UTRN: variants seen among roughly 807,000 people sequenced by gnomAD.
The protein encoded by UTRN is dystrophin-related protein 1.
In UTRN, 283 loss-of-function variants were observed where a neutral mutation model predicts 463.9. The ratio of observed to expected loss-of-function variants is 0.61; its 90% CI spans 0.55 to 0.67. UTRN has a LOEUF of 0.67. Ranked by LOEUF, UTRN falls within the 30% of genes least tolerant of loss-of-function variation. UTRN has a pLI of 0.00. For synonymous variants in UTRN, 1,442 were observed against 1,431.5 expected (o/e 1.01, Z -0.17); for missense variants, 3,922 against 4,084.3 (o/e 0.96, Z 1.08).
At chr6:144,355,443 C>G (rs1158697757) in intron 2 of UTRN, among the ~76,000 whole-genome samples, 3 of 152,170 alleles carry the variant, frequency 2.0e-5, no homozygotes, top group Non-Finnish European at 2.9e-5. Context: ...AAGTGATATA[C>G]CTGCCTCTGC....
rs192889634 is a variant in UTRN, at chr6:144,618,736, T to C, written c.7479+41448T>C. 3.6e-3 allele frequency among the ~76,000 whole-genome samples: 552 copies of C among 152,268 alleles called. 1 individual carries two copies. Among genetic ancestry groups the C allele is most frequent in the Non-Finnish European group, 5.9e-3 (398 of 67,972 alleles). On this transcript the variant is annotated intron_variant, in intron 51 of 74. Transcript: ENST00000367545. ...TCCCAGTTCTTTTACTCTGTTATTATTGTTTAAAGTTTGGAAATTAAAATA... is the reference window on the plus strand; with the variant it reads ...TCCCAGTTCTTTTACTCTGTTATTACTGTTTAAAGTTTGGAAATTAAAATA...
At chr6:144,797,416 A>G (rs1777327410) in intron 63 of UTRN, among the ~76,000 whole-genome samples, 1 of 152,100 alleles carries the variant, frequency 6.6e-6, no homozygotes, top group Non-Finnish European at 1.5e-5. Context: ...GCTGGTCTCA[A>G]ACTCCTGAGC....
chr6:144,290,652 C>T (rs1804140572), intron 1 of UTRN, among the ~76,000 whole-genome samples: 1 of 152,016 alleles, frequency 6.6e-6, no homozygotes, highest in Admixed American at 6.6e-5. Context: ...CATTCATATA[C>T]CCATGAGCTA....
intron 50 of UTRN, among the ~76,000 whole-genome samples, chr6:144,572,596 G>T (rs951511799): frequency 6.6e-6 from 1 of 151,758 alleles, no homozygotes; most frequent in African/African-American, 2.4e-5. Context: ...CCCTCCCTGT[G>T]TCCATGTGTT....
At chr6:144,322,340 G>A (rs1194973874) in intron 2 of UTRN, among the ~76,000 whole-genome samples, 1 of 152,142 alleles carries the variant, frequency 6.6e-6, no homozygotes, top group Non-Finnish European at 1.5e-5. Flanking sequence ...GTCCTGCACT[G>A]GTGAGCACCT....
At chr6:144,517,223 A>T (rs1795697941) in intron 39 of UTRN, among the ~76,000 whole-genome samples, 1 of 152,100 alleles carries the variant, frequency 6.6e-6, no homozygotes, top group African/African-American at 2.4e-5. Context: ...GCTTCCTCCA[A>T]TTCCATATTT....
At chr6:144,800,522 G>A (rs1412550275) in intron 64 of UTRN, among the ~76,000 whole-genome samples, 1 of 152,206 alleles carries the variant, frequency 6.6e-6, no homozygotes, top group Non-Finnish European at 1.5e-5. Context: ...AGTGTATTGA[G>A]AAGTAGCTCT....
At chr6:144,827,274 C>A in intron 66 of UTRN, 74 bp from the exon 67 acceptor site, 1 of 1,561,222 alleles carries the variant, frequency 6.4e-7, no homozygotes, top group Non-Finnish European at 8.8e-7. Flanking sequence ...CTCCCCACAC[C>A]CCCACTGCTT....
intron 64 of UTRN, among the ~76,000 whole-genome samples, chr6:144,800,321 A>G (rs557542927): frequency 6.6e-6 from 1 of 152,330 alleles, no homozygotes; most frequent in East Asian, 1.9e-4. Context: ...CTACTTTTGA[A>G]TTAACTTGAA....
At chr6:144,348,802 C>T (rs372752304) in intron 2 of UTRN, among the ~76,000 whole-genome samples, 2 of 151,994 alleles carry the variant, frequency 1.3e-5, no homozygotes, top group Admixed American at 6.5e-5. Flanking sequence ...GGCCTAGTGG[C>T]GCATGCCTGT....
At chr6:144,718,476 T>C (rs951846798) in intron 53 of UTRN, among the ~76,000 whole-genome samples, 1 of 152,126 alleles carries the variant, frequency 6.6e-6, no homozygotes, top group African/African-American at 2.4e-5. Context: ...AAAAAGTAAT[T>C]TTTTATTCTA....
chr6:144,835,137 C>T (rs537653743), intron 69 of UTRN, among the ~76,000 whole-genome samples: 2 of 152,348 alleles, frequency 1.3e-5, no homozygotes, highest in South Asian at 4.1e-4. Context: ...CACGTTACTG[C>T]TATGTCTAGT....
At chr6:144,568,699 A>T (rs1800657403) in intron 50 of UTRN, among the ~76,000 whole-genome samples, 3 of 152,124 alleles carry the variant, frequency 2.0e-5, no homozygotes, top group Non-Finnish European at 4.4e-5. Flanking sequence ...GAAACTAGGG[A>T]TGGAGGTGAG....
chr6:144,344,090 C>CAAAAAAAAAAAAAAA, intron 2 of UTRN: 1 of 848,828 alleles, frequency 1.2e-6, no homozygotes, highest in Non-Finnish European at 1.4e-6. Context: ...TAAAAGCCAC[C>CAAAAAAAAAAAAAAA]AAAAAAAAAA....
At chr6:144,536,537 A>G (rs1356765688) in intron 43 of UTRN, among the ~76,000 whole-genome samples, 1 of 152,088 alleles carries the variant, frequency 6.6e-6, no homozygotes, top group Non-Finnish European at 1.5e-5. Context: ...TAAACATTAT[A>G]CATCAAATAT....
At chr6:144,290,176 C>T (rs971140839) in intron 1 of UTRN, among the ~76,000 whole-genome samples, 1 of 152,130 alleles carries the variant, frequency 6.6e-6, no homozygotes, top group Non-Finnish European at 1.5e-5. Context: ...GCAACAATAC[C>T]ATAATTAATG....
intron 46 of UTRN, 96 bp downstream of exon 46, chr6:144,542,966 C>A: frequency 2.0e-6 from 2 of 1,004,684 alleles, no homozygotes; most frequent in Non-Finnish European, 2.9e-6. Flanking sequence ...GACTTAGAAA[C>A]GTCGTGCCAT....
chr6:144,340,826 C>T (rs1214688219), intron 2 of UTRN, among the ~76,000 whole-genome samples: 1 of 152,202 alleles, frequency 6.6e-6, no homozygotes, highest in Non-Finnish European at 1.5e-5. Flanking sequence ...CATTGCACAA[C>T]AGTTTTCAAA....
At chr6:144,556,371 T>C (rs1799384096) in intron 49 of UTRN, among the ~76,000 whole-genome samples, 4 of 149,058 alleles carry the variant, frequency 2.7e-5, no homozygotes, top group Admixed American at 2.1e-4. Context: ...TCCCAAGTAA[T>C]AGTGAAGCCC....
Sources: gnomAD v4.1 joint callset for allele counts (sites outside exome capture counted in the v4.1 genomes callset) on GRCh38, gnomAD v4.1.1 for gene constraint, MANE v1.5 for transcripts, NCBI Gene and HGNC (gene_info 2026-07-23, HGNC 2026-07-21) for gene names.